Variants in CPQ observed in about 807,000 individuals in gnomAD.
CPQ encodes carboxypeptidase Q, also known as Ser-Met dipeptidase.
In CPQ, 37 loss-of-function variants were observed where a neutral mutation model predicts 45.7. The ratio of observed to expected loss-of-function variants is 0.81; its 90% CI spans 0.62 to 1.07. CPQ has a LOEUF of 1.07. Among genes scored for constraint, CPQ ranks in the 50% least tolerant of loss-of-function variants. The pLI is 0.00. For synonymous variants in CPQ, 186 were observed against 205.8 expected (o/e 0.90, Z 0.82); for missense variants, 537 against 572.9 (o/e 0.94, Z 0.64).
At chr8:97,075,388 C>T (rs1204693767) in intron 7 of CPQ, among the ~76,000 whole-genome samples, 1 of 152,106 alleles carries the variant, frequency 6.6e-6, no homozygotes, top group Non-Finnish European at 1.5e-5. Flanking sequence ...TTTACAAGTT[C>T]TCTAATTTAT....
intron 6 of CPQ, among the ~76,000 whole-genome samples, chr8:97,048,414 C>T (rs542038458): frequency 1.3e-5 from 2 of 152,308 alleles, no homozygotes; most frequent in African/African-American, 4.8e-5. Context: ...GCAAAAGAGA[C>T]ATTTAAATAT....
At chr8:96,797,014 TTC>T (rs1435751720) in intron 2 of CPQ, among the ~76,000 whole-genome samples, 1 of 152,148 alleles carries the variant, frequency 6.6e-6, no homozygotes, top group African/African-American at 2.4e-5. Context: ...TAAATTGAGC[TTC>T]TCAGGAATGA....
chr8:97,137,238 A>ATAT (rs1216140877), intron 7 of CPQ, among the ~76,000 whole-genome samples: 1 of 152,188 alleles, frequency 6.6e-6, no homozygotes, highest in African/African-American at 2.4e-5. Context: ...GCATGGACAA[A>ATAT]TATTTCTTGC....
At chr8:96,847,862 G>T (rs1475398863) in intron 3 of CPQ, among the ~76,000 whole-genome samples, 1 of 128,162 alleles carries the variant, frequency 7.8e-6, no homozygotes, top group South Asian at 2.6e-4. Context: ...TTTAAACTAT[G>T]CAGCTCTGAT....
At chr8:96,774,479 G>A (rs1400639961) in intron 1 of CPQ, among the ~76,000 whole-genome samples, 3 of 152,106 alleles carry the variant, frequency 2.0e-5, no homozygotes, top group Admixed American at 2.0e-4. Context: ...TGAGATGTGT[G>A]CAGAAATGTG....
chr8:96,870,373 TTAAA>T (rs1563517212), intron 3 of CPQ, among the ~76,000 whole-genome samples: 1 of 151,976 alleles, frequency 6.6e-6, no homozygotes, highest in Non-Finnish European at 1.5e-5. Context: ...GATATACAGA[TTAAA>T]TACGGTCATG....
At chr8:96,783,872 C>A (rs1810722904) in intron 1 of CPQ, among the ~76,000 whole-genome samples, 1 of 152,130 alleles carries the variant, frequency 6.6e-6, no homozygotes, top group Non-Finnish European at 1.5e-5. Context: ...GCATTGAATA[C>A]ATTTACTCAT....
At chr8:97,090,443 T>G (rs1221805079) in intron 7 of CPQ, among the ~76,000 whole-genome samples, 1 of 152,214 alleles carries the variant, frequency 6.6e-6, no homozygotes, top group African/African-American at 2.4e-5. Flanking sequence ...TTTTAGATGA[T>G]AGCTTGTAAA....
At position 96,937,139 on chromosome 8, in the gene CPQ, C is replaced by T. The variant is rs79674625; in HGVS notation, c.850-28796C>T. Among the ~76,000 whole-genome samples, 542 of 152,094 alleles carry T rather than the reference C, an allele frequency of 3.6e-3. 4 individuals are homozygous for T. Among genetic ancestry groups the T allele is most frequent in the African/African-American group, 0.012 (506 of 41,504 alleles). On this transcript the variant is annotated intron_variant, in intron 4 of 7. Coordinates refer to ENST00000220763, the MANE Select transcript of CPQ (RefSeq NM_016134.4). ...GCTTACAGTTTTTTGAGAGGTTACA[C>T]ACAAGTAAATGGGCAATTTCAATAT...
At chr8:96,783,488 C>T (rs773801747) in intron 1 of CPQ, among the ~76,000 whole-genome samples, 4 of 152,066 alleles carry the variant, frequency 2.6e-5, no homozygotes, top group African/African-American at 7.2e-5. Context: ...CAAACCCCTT[C>T]CTGCAATAAA....
At chr8:96,945,773 A>G (rs560651786) in intron 4 of CPQ, among the ~76,000 whole-genome samples, 2 of 152,282 alleles carry the variant, frequency 1.3e-5, no homozygotes, top group South Asian at 4.2e-4. Flanking sequence ...CCATTTTATC[A>G]TATATGCCTA....
At chr8:96,714,391 C>T (rs1190859213) in intron 1 of CPQ, among the ~76,000 whole-genome samples, 1 of 152,110 alleles carries the variant, frequency 6.6e-6, no homozygotes, top group Admixed American at 6.6e-5. Flanking sequence ...GCCTTGTCTT[C>T]AAGCTCTAAA....
At chr8:97,044,361 T>C (rs1810193703) in intron 6 of CPQ, among the ~76,000 whole-genome samples, 1 of 152,232 alleles carries the variant, frequency 6.6e-6, no homozygotes, top group Admixed American at 6.5e-5. Flanking sequence ...TTCTCTGTAT[T>C]GGTCATTCTA....
At chr8:96,687,878 T>A (rs1809253050) in intron 1 of CPQ, among the ~76,000 whole-genome samples, 1 of 152,148 alleles carries the variant, frequency 6.6e-6, no homozygotes, top group Non-Finnish European at 1.5e-5. Flanking sequence ...AAGTTTTTTT[T>A]TGTTTGCAAA....
chr8:97,054,356 A>C (rs1457833819), intron 6 of CPQ, among the ~76,000 whole-genome samples: 1 of 152,210 alleles, frequency 6.6e-6, no homozygotes, highest in East Asian at 1.9e-4. Flanking sequence ...TATGGAAAAC[A>C]GTATGGAGAT....
chr8:96,839,094 TA>T (rs34409111), intron 3 of CPQ, among the ~76,000 whole-genome samples: 2 of 24,588 alleles, frequency 8.1e-5, no homozygotes, highest in Admixed American at 1.2e-3. Flanking sequence ...AACATTATAT[TA>T]TATATATATA....
chr8:96,714,458 C>T (rs983377451), intron 1 of CPQ, among the ~76,000 whole-genome samples: 1 of 151,972 alleles, frequency 6.6e-6, no homozygotes, highest in African/African-American at 2.4e-5. Flanking sequence ...TTGTAATTCC[C>T]CAAATGTGTC....
chr8:96,662,706 A>G (rs1166970895), intron 1 of CPQ, among the ~76,000 whole-genome samples: 3 of 152,194 alleles, frequency 2.0e-5, no homozygotes, highest in Non-Finnish European at 4.4e-5. Flanking sequence ...TAAAACTTCA[A>G]TGCTTGGCCA....
chr8:97,083,846 T>C (rs746879640), intron 7 of CPQ, among the ~76,000 whole-genome samples: 1 of 152,186 alleles, frequency 6.6e-6, no homozygotes, highest in South Asian at 2.1e-4. Context: ...GATGTGAAGA[T>C]AGTATGTATC....
Sources: gnomAD v4.1 joint callset for allele counts (sites outside exome capture counted in the v4.1 genomes callset) on GRCh38, gnomAD v4.1.1 for gene constraint, MANE v1.5 for transcripts, NCBI Gene and HGNC (gene_info 2026-07-23, HGNC 2026-07-21) for gene names.